The following ISM1 variants were observed in gnomAD, a reference collection of about 807,000 sequenced individuals.
The protein encoded by ISM1 is isthmin 1, also known as isthmin-1.
In ISM1, 25 loss-of-function variants were observed where a neutral mutation model predicts 46.3. That is an observed-to-expected ratio of 0.54 (90% CI 0.39 to 0.75). The LOEUF is 0.75. Ranked by LOEUF, ISM1 falls within the 30% of genes least tolerant of loss-of-function variation. The probability of loss-of-function intolerance (pLI) is 0.00; values close to 1 mark genes in which losing one functional copy is unlikely to be tolerated. For synonymous variants in ISM1, 255 were observed against 256.7 expected (o/e 0.99, Z 0.06); for missense variants, 536 against 625.4 (o/e 0.86, Z 1.52).
Position 13,298,934 on chromosome 20 carries a change from T to G in ISM1, c.878-8T>G. ...GCGGTGAGAGGGTTTCTCTTTGGCC[T>G]TTTCCAGACACAGACAGCTGTGAGC... On this transcript the variant is annotated splice_polypyrimidine_tract_variant and splice_region_variant and intron_variant, in intron 5 of 5. Coordinates refer to ENST00000262487, the MANE Select transcript of ISM1 (RefSeq NM_080826.2). 6.2e-7 allele frequency: 1 copy of G among 1,611,108 alleles called. No homozygotes were observed. The highest frequency in any genetic ancestry group is 8.5e-7 in the Non-Finnish European group (1 of 1,178,274).
chr20:13,261,255 A>C (rs189785121), intron 1 of ISM1, among the ~76,000 whole-genome samples: 32 of 152,192 alleles, frequency 2.1e-4, no homozygotes, highest in African/African-American at 7.7e-4. Flanking sequence ...CTCTACTAAA[A>C]ATATAAAAAA....
Position 13,277,517 on chromosome 20 carries a change from TC to T in ISM1, c.379-2115del, listed in dbSNP as rs202130944. Among the ~76,000 whole-genome samples the T allele has an allele frequency of 2.2e-4, 33 of 152,324 alleles. No individual in the cohort carries two copies. In the East Asian group the frequency reaches 6.2e-3, roughly 29 times the overall value. ...GCTCTACCCAGCTGTGTGCTCCTTC[TC>T]CACTTGTCTTTCTGAGCTTCTGTGT... is the stretch of plus-strand genomic sequence containing the variant. On this transcript the variant is annotated intron_variant, in intron 2 of 5. Transcript: ENST00000262487.
At chr20:13,294,817 A>G (rs985014577) in intron 5 of ISM1, among the ~76,000 whole-genome samples, 6 of 152,138 alleles carry the variant, frequency 3.9e-5, no homozygotes, top group African/African-American at 1.4e-4. Flanking sequence ...TTGCAACTTT[A>G]TGAGAGAAGT....
chr20:13,283,780 T>C (rs540695084), intron 3 of ISM1, among the ~76,000 whole-genome samples: 16 of 152,348 alleles, frequency 1.1e-4, no homozygotes, highest in African/African-American at 3.8e-4. Flanking sequence ...AGGTACTGCT[T>C]ATTGTTACTT....
At chr20:13,275,968 C>T (rs13037666) in intron 2 of ISM1, among the ~76,000 whole-genome samples, 32 of 152,202 alleles carry the variant, frequency 2.1e-4, no homozygotes, top group Non-Finnish European at 4.4e-4. Context: ...TGCTGCAAGT[C>T]TCAAAGCAGT....
At chr20:13,260,672 G>A (rs563147898) in intron 1 of ISM1, among the ~76,000 whole-genome samples, 38 of 151,472 alleles carry the variant, frequency 2.5e-4, no homozygotes, top group Non-Finnish European at 4.1e-4. Flanking sequence ...ATTCCATTCC[G>A]AGGAAGTCAG....
chr20:13,318,009 C>T, the ISM1 span, among the ~76,000 whole-genome samples: 1,862 of 151,848 alleles, frequency 0.012, 20 homozygotes, highest in Non-Finnish European at 0.02. Flanking sequence ...AAAAACAAGC[C>T]AAAGACTGGG....
At chr20:13,284,810 C>A (rs917770806) in intron 3 of ISM1, among the ~76,000 whole-genome samples, 3 of 151,922 alleles carry the variant, frequency 2.0e-5, no homozygotes, top group Non-Finnish European at 2.9e-5. Context: ...CTTTGGGGGA[C>A]CCATATGAAA....
At chr20:13,316,172 G>T in the ISM1 span, among the ~76,000 whole-genome samples, 1 of 151,866 alleles carries the variant, frequency 6.6e-6, no homozygotes, top group Non-Finnish European at 1.5e-5. Context: ...ATAACTCTAT[G>T]CCCACAAATT....
At chr20:13,261,676 G>A (rs371451577) in intron 1 of ISM1, among the ~76,000 whole-genome samples, 6 of 152,240 alleles carry the variant, frequency 3.9e-5, no homozygotes, top group South Asian at 2.1e-4. Context: ...CAAGGTTAAC[G>A]TCCAATGACC....
chr20:13,255,081 C>G (rs2039911958), intron 1 of ISM1, among the ~76,000 whole-genome samples: 2 of 152,160 alleles, frequency 1.3e-5, no homozygotes, highest in Admixed American at 1.3e-4. Context: ...ATAATTTCAG[C>G]TAACAAATAC....
intron 3 of ISM1, among the ~76,000 whole-genome samples, chr20:13,283,782 T>C (rs1200623860): frequency 6.6e-6 from 1 of 152,220 alleles, no homozygotes; most frequent in Non-Finnish European, 1.5e-5. Flanking sequence ...GTACTGCTTA[T>C]TGTTACTTGG....
the ISM1 span, among the ~76,000 whole-genome samples, chr20:13,311,255 A>AGATAGATAGAT: frequency 9.1e-5 from 12 of 132,506 alleles, no homozygotes; most frequent in African/African-American, 3.6e-4. Context: ...ATAGATAGAT[A>AGATAGATAGAT]GATAGATAGA....
the ISM1 span, among the ~76,000 whole-genome samples, chr20:13,326,177 T>A: frequency 1.3e-5 from 2 of 152,216 alleles, no homozygotes; most frequent in African/African-American, 4.8e-5. Context: ...TAGCATTCCA[T>A]GTATGGATGC....
chr20:13,226,658 A>G (rs939668210), intron 1 of ISM1, among the ~76,000 whole-genome samples: 1 of 152,122 alleles, frequency 6.6e-6, no homozygotes, highest in Non-Finnish European at 1.5e-5. Context: ...CATTTGTCTG[A>G]TAGTTGGTGC....
At chr20:13,237,931 A>G (rs2039670745) in intron 1 of ISM1, 1 of 152,166 alleles carries the variant, frequency 6.6e-6, no homozygotes. Flanking sequence ...TGCCATTGTT[A>G]CAACATCAAA....
At chr20:13,313,290 C>T in the ISM1 span, among the ~76,000 whole-genome samples, 2 of 152,372 alleles carry the variant, frequency 1.3e-5, no homozygotes, top group East Asian at 1.9e-4. Flanking sequence ...TGCCTCCTTA[C>T]ACATTTTAAG....
intron 2 of ISM1, among the ~76,000 whole-genome samples, chr20:13,277,046 G>C (rs1005243797): frequency 6.6e-6 from 1 of 152,042 alleles, no homozygotes; most frequent in Non-Finnish European, 1.5e-5. Flanking sequence ...TTGAGATTTA[G>C]TCATCGATAT....
intron 2 of ISM1, among the ~76,000 whole-genome samples, chr20:13,271,018 T>A (rs2040108782): frequency 6.6e-6 from 1 of 152,112 alleles, no homozygotes; most frequent in Non-Finnish European, 1.5e-5. Flanking sequence ...ACATACTAAT[T>A]TAAGAGACAG....
Sources: allele counts gnomAD v4.1 joint callset (sites outside exome capture counted in the v4.1 genomes callset), GRCh38; gene constraint gnomAD v4.1.1; transcripts MANE v1.5; gene names NCBI Gene and HGNC (gene_info 2026-07-23, HGNC 2026-07-21).